The following CTNNA2 variants were observed in gnomAD, a reference collection of about 807,000 sequenced individuals.
CTNNA2 encodes catenin alpha-2.
In CTNNA2, 42 loss-of-function variants were observed where a neutral mutation model predicts 101.0. The observed-to-expected ratio is 0.42, with a 90% CI of 0.32 to 0.54. CTNNA2 has a LOEUF of 0.54. Among genes scored for constraint, CTNNA2 ranks in the 20% least tolerant of loss-of-function variants. The pLI, the probability that CTNNA2 is intolerant of heterozygous loss-of-function variation, is 0.14. For synonymous variants in CTNNA2, 450 were observed against 456.4 expected, an observed-to-expected ratio of 0.99 and a Z score of 0.18; for missense variants, 871 against 1,223.1, an observed-to-expected ratio of 0.71 and a Z score of 4.29.
At chr2:80,366,639 A>G (rs1372425365) in intron 7 of CTNNA2, among the ~76,000 whole-genome samples, 1 of 152,104 alleles carries the variant, frequency 6.6e-6, no homozygotes, top group Non-Finnish European at 1.5e-5. Flanking sequence ...AGCCTTCCTA[A>G]AATACCTCTT....
chr2:79,354,144 A>G (rs1336416446), intron 3 of CTNNA2, among the ~76,000 whole-genome samples: 1 of 152,026 alleles, frequency 6.6e-6, no homozygotes, highest in Non-Finnish European at 1.5e-5. Context: ...ACCTAATGCC[A>G]TTGTGTCTTG....
At chr2:79,820,596 T>C (rs889645278) in intron 3 of CTNNA2, among the ~76,000 whole-genome samples, 11 of 152,168 alleles carry the variant, frequency 7.2e-5, no homozygotes, top group Non-Finnish European at 1.0e-4. Flanking sequence ...TATGCATATA[T>C]GCACTCAACA....
chr2:79,640,370 A>G (rs1680370211), intron 1 of CTNNA2, among the ~76,000 whole-genome samples: 1 of 152,148 alleles, frequency 6.6e-6, no homozygotes, highest in Non-Finnish European at 1.5e-5. Flanking sequence ...GCACAAAGTT[A>G]CTCATGTGGA....
chr2:79,194,692 T>C (rs966447738), intron 1 of CTNNA2, among the ~76,000 whole-genome samples: 1 of 152,186 alleles, frequency 6.6e-6, no homozygotes, highest in Non-Finnish European at 1.5e-5. Flanking sequence ...GTAAAACTCC[T>C]TGCCCTGTGT....
At chr2:79,844,882 TGTGGGCTGGGGA>T (rs1402565251) in intron 3 of CTNNA2, among the ~76,000 whole-genome samples, 2 of 151,466 alleles carry the variant, frequency 1.3e-5, no homozygotes, top group African/African-American at 4.9e-5. Context: ...TAGCCAGGAG[TGTGGGCTGGGGA>T]GTGGGCTGTG....
chr2:79,888,335 A>C (rs1306069987), intron 6 of CTNNA2, among the ~76,000 whole-genome samples: 1 of 152,056 alleles, frequency 6.6e-6, no homozygotes, highest in African/African-American at 2.4e-5. Context: ...TCCAGAATCC[A>C]TCTTTTCTGC....
At chr2:80,242,735 A>G (rs1328447985) in intron 7 of CTNNA2, among the ~76,000 whole-genome samples, 2 of 152,082 alleles carry the variant, frequency 1.3e-5, no homozygotes, top group African/African-American at 4.8e-5. Flanking sequence ...TCCCTTATCC[A>G]GATAGGGCAG....
chr2:79,536,618 G>T (rs865905093), intron 1 of CTNNA2, among the ~76,000 whole-genome samples: 1 of 91,312 alleles, frequency 1.1e-5, no homozygotes, highest in African/African-American at 3.3e-5. Context: ...TTGAGGGTGG[G>T]GTACATGCAT....
chr2:79,742,266 T>C (rs1267326212), intron 2 of CTNNA2, among the ~76,000 whole-genome samples: 1 of 152,156 alleles, frequency 6.6e-6, no homozygotes, highest in Non-Finnish European at 1.5e-5. Context: ...TGGTAGTCAC[T>C]ACCAGCTTCT....
chr2:80,519,119 TTG>T (rs138881791), intron 9 of CTNNA2, among the ~76,000 whole-genome samples: 1 of 151,750 alleles, frequency 6.6e-6, no homozygotes, highest in African/African-American at 2.4e-5. Context: ...TCTTTCTCTT[TTG>T]TGTGTGTGTG....
intron 7 of CTNNA2, among the ~76,000 whole-genome samples, chr2:80,134,759 G>C (rs1435591494): frequency 1.3e-5 from 2 of 152,170 alleles, no homozygotes; most frequent in Non-Finnish European, 2.9e-5. Context: ...GCTTGAAATT[G>C]TTCCTTAGAT....
chr2:79,302,651 C>T (rs1188503521), intron 2 of CTNNA2, among the ~76,000 whole-genome samples: 4 of 152,012 alleles, frequency 2.6e-5, no homozygotes, highest in Non-Finnish European at 5.9e-5. Context: ...GAGAAAGTAC[C>T]CTTTCAAGTA....
intron 7 of CTNNA2, among the ~76,000 whole-genome samples, chr2:80,269,079 A>G (rs182119614): frequency 6.6e-6 from 1 of 152,370 alleles, no homozygotes; most frequent in East Asian, 1.9e-4. Context: ...AAGGCTTAAC[A>G]AATTGTATCA....
chr2:80,189,991 A>C (rs2148995763), intron 7 of CTNNA2, among the ~76,000 whole-genome samples: 1 of 148,184 alleles, frequency 6.7e-6, no homozygotes, highest in South Asian at 2.2e-4. Context: ...GGTCAGAGGA[A>C]ACATGAATGG....
chr2:80,248,737 G>C lies in CTNNA2; in HGVS notation c.1057-144474G>C, dbSNP rs187342428. Among the ~76,000 whole-genome samples the C allele has an allele frequency of 1.7e-3, 265 of 152,208 alleles. 2 individuals carry two copies. The highest frequency in any genetic ancestry group is 1.5e-3 in the Non-Finnish European group (100 of 68,018). Reference sequence around the variant, plus strand: ...GGCTGGTCCCTTTGCCACTGTGGGTGGTAGCAAATATGTCTCTAGGACATA... The same window carrying C: ...GGCTGGTCCCTTTGCCACTGTGGGTCGTAGCAAATATGTCTCTAGGACATA... On this transcript the variant is annotated intron_variant, in intron 7 of 18. Transcript: ENST00000402739.
rs1038220572 is a variant in CTNNA2, at chr2:79,882,753, C to T, written c.852+8411C>T. Among the ~76,000 whole-genome samples the T allele has an allele frequency of 2.6e-5, 4 of 152,238 alleles. No individual in the cohort carries two copies. The East Asian group carries it at 5.8e-4, about 22-fold the overall frequency. ...GTCACTACTCCCCCTGGGAGCTTGG[C>T]AGGCTTAAGCAGGTTCCAGCTGAGA... On this transcript the variant is annotated intron_variant, in intron 6 of 18. Coordinates refer to ENST00000402739, the MANE Select transcript of CTNNA2 (RefSeq NM_001282597.3).
At chr2:80,575,084 A>G (rs747276841) in intron 13 of CTNNA2, 2 of 152,182 alleles carry the variant, frequency 1.3e-5, no homozygotes, top group African/African-American at 2.4e-5. Context: ...TATCTTACCA[A>G]CAGTTTAGCA....
intron 7 of CTNNA2, among the ~76,000 whole-genome samples, chr2:80,012,444 C>T (rs1232894549): frequency 6.6e-6 from 1 of 152,164 alleles, no homozygotes; most frequent in African/African-American, 2.4e-5. Flanking sequence ...GATTCTGAGT[C>T]AGGCTGTCCA....
chr2:79,467,784 A>G (rs1456867660), intron 4 of CTNNA2, among the ~76,000 whole-genome samples: 1 of 152,222 alleles, frequency 6.6e-6, no homozygotes, highest in Non-Finnish European at 1.5e-5. Context: ...ACTAAGCTTC[A>G]TAAGTGAAGG....
Sources: gnomAD v4.1 joint callset for allele counts (sites outside exome capture counted in the v4.1 genomes callset) on GRCh38, gnomAD v4.1.1 for gene constraint, MANE v1.5 for transcripts, NCBI Gene and HGNC (gene_info 2026-07-23, HGNC 2026-07-21) for gene names.